NPFFR2: variants seen among roughly 807,000 people sequenced by gnomAD.
The protein encoded by NPFFR2 is neuropeptide FF receptor 2, also known as G-protein coupled receptor 74.
Under a neutral mutation model 13.1 loss-of-function variants are expected in NPFFR2, and 15 were observed. That is an observed-to-expected ratio of 1.15 (90% CI 0.77 to 1.76). The LOEUF (loss-of-function observed/expected upper bound fraction) is 1.76. Among genes scored for constraint, NPFFR2 ranks in the 40% most tolerant of loss-of-function variants. NPFFR2 has a pLI of 0.00. For missense variants in NPFFR2, 572 were observed against 503.5 expected (o/e 1.14, Z -1.30); for synonymous variants, 190 against 175.7 (o/e 1.08, Z -0.65).
At chr4:72,053,289 G>C (rs1028256819) in intron 1 of NPFFR2, among the ~76,000 whole-genome samples, 25 of 151,718 alleles carry the variant, frequency 1.6e-4, no homozygotes, top group African/African-American at 4.6e-4. Flanking sequence ...CAGATCTCCA[G>C]GCTATGTGGA....
At chr4:72,083,636 C>T (rs1720690169) in intron 1 of NPFFR2, among the ~76,000 whole-genome samples, 1 of 152,134 alleles carries the variant, frequency 6.6e-6, no homozygotes, top group African/African-American at 2.4e-5. Flanking sequence ...TTGCAGGACT[C>T]TGAGCTTGAC....
At chr4:72,113,761 C>A (rs1721633614) in intron 1 of NPFFR2, among the ~76,000 whole-genome samples, 1 of 152,018 alleles carries the variant, frequency 6.6e-6, no homozygotes, top group Non-Finnish European at 1.5e-5. Context: ...GCGAGTAGAC[C>A]AGTTCCCTGG....
rs188683104 is a variant in NPFFR2, at chr4:72,145,143, A to C, written c.429-1835A>C. 2.1e-4 allele frequency among the ~76,000 whole-genome samples: 32 copies of C among 151,712 alleles called. 1 individual carries two copies. In the East Asian group the frequency reaches 6.0e-3, roughly 28 times the overall value. ...ACTTTCTCAGCAGGGACTATTCTCT[A>C]TCTTATTCATCTTTGCCTTCCTGAA... On this transcript the variant is annotated intron_variant, in intron 3 of 3. Transcript: ENST00000308744.
intron 1 of NPFFR2, among the ~76,000 whole-genome samples, chr4:72,106,866 CAAAGG>C (rs1329701759): frequency 1.3e-5 from 2 of 151,832 alleles, no homozygotes; most frequent in Non-Finnish European, 2.9e-5. Context: ...AAATTTCACC[CAAAGG>C]AAAGGGAGAA....
At chr4:72,146,127 T>C (rs936350341) in intron 3 of NPFFR2, among the ~76,000 whole-genome samples, 1 of 152,174 alleles carries the variant, frequency 6.6e-6, no homozygotes, top group Non-Finnish European at 1.5e-5. Context: ...TCAAACAATA[T>C]TGGTTTATTA....
chr4:72,146,229 A>T (rs10755169), intron 3 of NPFFR2, among the ~76,000 whole-genome samples: 75,555 of 152,002 alleles, frequency 0.5, 21,687 homozygotes, highest in African/African-American at 0.78. Flanking sequence ...TGCAGCATTA[A>T]TCTGGGAGCT....
intron 1 of NPFFR2, among the ~76,000 whole-genome samples, chr4:72,068,758 C>T (rs369833554): frequency 2.7e-4 from 41 of 151,072 alleles, no homozygotes; most frequent in East Asian, 1.9e-3. Context: ...CAGGTGAGAC[C>T]GCATAGAATA....
intron 1 of NPFFR2, among the ~76,000 whole-genome samples, chr4:72,111,637 C>G (rs550719022): frequency 5.9e-5 from 9 of 152,060 alleles, no homozygotes; most frequent in Admixed American, 5.9e-4. Context: ...ACAATTTATT[C>G]TAGGACAACA....
intron 1 of NPFFR2, among the ~76,000 whole-genome samples, chr4:72,081,598 C>T (rs1720623779): frequency 6.6e-6 from 1 of 151,820 alleles, no homozygotes; most frequent in Non-Finnish European, 1.5e-5. Context: ...AGCGATTCTC[C>T]CACCTCAGCC....
intron 1 of NPFFR2, among the ~76,000 whole-genome samples, chr4:72,040,921 C>T (rs1719195674): frequency 1.4e-5 from 1 of 72,316 alleles, no homozygotes; most frequent in Admixed American, 2.3e-4. Flanking sequence ...TTAGTCACTG[C>T]TGTAAAATAT....
chr4:72,125,429 A>G (rs1351427958), intron 1 of NPFFR2, among the ~76,000 whole-genome samples: 1 of 152,204 alleles, frequency 6.6e-6, no homozygotes, highest in Non-Finnish European at 1.5e-5. Context: ...TACTACAAAA[A>G]TTGGGAAGTA....
chr4:72,088,709 A>G (rs1720834954), intron 1 of NPFFR2, among the ~76,000 whole-genome samples: 1 of 152,030 alleles, frequency 6.6e-6, no homozygotes, highest in Non-Finnish European at 1.5e-5. Flanking sequence ...AGGGAGTGCC[A>G]CTTTTAAAAC....
At chr4:72,131,655 CAT>C (rs1457923166) in intron 2 of NPFFR2, among the ~76,000 whole-genome samples, 14 of 151,946 alleles carry the variant, frequency 9.2e-5, no homozygotes, top group African/African-American at 3.4e-4. Flanking sequence ...AACATTATAA[CAT>C]GTAATTCAGA....
Position 72,064,985 on chromosome 4 carries a change from A to C in NPFFR2, c.-8+32785A>C, listed in dbSNP as rs992929072. On this transcript the variant is annotated intron_variant, in intron 1 of 3. Coordinates refer to ENST00000308744, the MANE Select transcript of NPFFR2 (RefSeq NM_004885.3). ...CCTAACCTGACTGCCAAATATGAAA[A>C]GAGAAAAGAGGAGGTGAAGGACAGA... Among the ~76,000 whole-genome samples the C allele has an allele frequency of 3.9e-5, 6 of 152,212 alleles. No homozygotes were observed. The East Asian group carries it at 9.7e-4, about 25-fold the overall frequency.
chr4:72,114,171 AG>A (rs1182765609), intron 1 of NPFFR2, among the ~76,000 whole-genome samples: 3 of 152,062 alleles, frequency 2.0e-5, no homozygotes, highest in Non-Finnish European at 4.4e-5. Flanking sequence ...TGTTCAAAAA[AG>A]TGTGCATAAA....
chr4:72,122,489 C>T (rs1721912105), intron 1 of NPFFR2, among the ~76,000 whole-genome samples: 1 of 152,066 alleles, frequency 6.6e-6, no homozygotes, highest in Non-Finnish European at 1.5e-5. Context: ...TAAAATTGAC[C>T]ACATAATTGG....
At chr4:72,094,611 C>T (rs1185926196) in intron 1 of NPFFR2, among the ~76,000 whole-genome samples, 6 of 152,252 alleles carry the variant, frequency 3.9e-5, no homozygotes, top group African/African-American at 9.6e-5. Flanking sequence ...AGGGGAAAGC[C>T]GGCAACCTCA....
chr4:72,094,216 A>G (rs1720991133), intron 1 of NPFFR2, among the ~76,000 whole-genome samples: 1 of 151,872 alleles, frequency 6.6e-6, no homozygotes, highest in African/African-American at 2.4e-5. Flanking sequence ...GTATACTAAC[A>G]CCTCCTCCGG....
At chr4:72,106,549 G>C (rs1721425485) in intron 1 of NPFFR2, among the ~76,000 whole-genome samples, 1 of 151,908 alleles carries the variant, frequency 6.6e-6, no homozygotes, top group African/African-American at 2.4e-5. Flanking sequence ...AAAAGTAAGG[G>C]TCAGCTTAAA....
Sources: allele counts gnomAD v4.1 joint callset (sites outside exome capture counted in the v4.1 genomes callset), GRCh38; gene constraint gnomAD v4.1.1; transcripts MANE v1.5; gene names NCBI Gene and HGNC (gene_info 2026-07-23, HGNC 2026-07-21).